Variants in NRG4 observed in about 807,000 individuals in gnomAD.
NRG4 encodes pro-neuregulin-4, membrane-bound isoform.
Under a neutral mutation model 15.0 loss-of-function variants are expected in NRG4, and 10 were observed. The observed-to-expected ratio is 0.67, with a 90% CI of 0.41 to 1.13. NRG4 has a LOEUF of 1.13. Ranked by LOEUF, NRG4 falls within the 50% of genes most tolerant of loss-of-function variation. NRG4 has a pLI of 0.00. For synonymous variants in NRG4, 41 were observed against 50.1 expected (o/e 0.82, Z 0.77); for missense variants, 139 against 140.2 (o/e 0.99, Z 0.04).
chr15:76,057,057 T>C (rs573110648), intron 1 of NRG4: 1 of 152,298 alleles, frequency 6.6e-6, no homozygotes, highest in South Asian at 2.1e-4. Flanking sequence ...AAACCCACAG[T>C]TCCACTTCTG....
At chr15:76,049,206 T>A (rs2035941194) in intron 4 of NRG4, among the ~76,000 whole-genome samples, 1 of 150,566 alleles carries the variant, frequency 6.6e-6, no homozygotes, top group South Asian at 2.1e-4. Flanking sequence ...CACACATACA[T>A]ACACACACAC....
chr15:76,000,496 G>A (rs1404641866), intron 3 of NRG4, among the ~76,000 whole-genome samples: 2 of 152,126 alleles, frequency 1.3e-5, no homozygotes, highest in Non-Finnish European at 2.9e-5. Flanking sequence ...GAGATACTAT[G>A]TTTGACATAG....
In NRG4 at chr15:75,942,185, A is replaced by AT. The variant is rs2031058059; in HGVS notation, c.*1452_*1453insA. 1 of 152,084 alleles carries AT rather than the reference A, an allele frequency of 6.6e-6. No individual in the cohort carries two copies. Among genetic ancestry groups the AT allele is most frequent in the African/African-American group, 2.4e-5 (1 of 41,418 alleles). The allele number at this position is 152,084 out of a possible 1,614,324, so 9.4% of individuals were successfully genotyped here. ...AGAGGGAGGGGTAAATACATGGAGT[A>AT]GAGATTTTTAGGGTGGTGAAACTAC... is the stretch of plus-strand genomic sequence containing the variant. On this transcript the variant is annotated 3_prime_UTR_variant, in exon 6 of 6. Transcript: ENST00000394907.
intron 5 of NRG4, among the ~76,000 whole-genome samples, chr15:75,949,417 C>G (rs2031748649): frequency 1.3e-5 from 2 of 150,304 alleles, no homozygotes; most frequent in Non-Finnish European, 3.0e-5. Flanking sequence ...AAAAATCTTG[C>G]CCAAACTTTA....
intron 5 of NRG4, among the ~76,000 whole-genome samples, chr15:75,949,791 T>C (rs2031769225): frequency 6.6e-6 from 1 of 152,234 alleles, no homozygotes; most frequent in African/African-American, 2.4e-5. Flanking sequence ...TGTTTTTGCA[T>C]GTGAATATCC....
chr15:75,987,088 T>A (rs1271809871), intron 3 of NRG4, among the ~76,000 whole-genome samples: 1 of 151,994 alleles, frequency 6.6e-6, no homozygotes, highest in Admixed American at 6.6e-5. Context: ...CCTAAAGCAA[T>A]CCCTAGGCCC....
chr15:76,046,061 A>G (rs2035861658), intron 4 of NRG4, among the ~76,000 whole-genome samples: 1 of 151,064 alleles, frequency 6.6e-6, no homozygotes, highest in Non-Finnish European at 1.5e-5. Context: ...TATACCTACT[A>G]TGTTCCCACA....
chr15:76,044,757 C>A (rs892004346), intron 4 of NRG4, among the ~76,000 whole-genome samples: 2 of 148,120 alleles, frequency 1.4e-5, no homozygotes, highest in Non-Finnish European at 3.0e-5. Flanking sequence ...AGGAGAATGG[C>A]ATGAACCTAG....
At chr15:75,979,105 A>C (rs1363397032) in intron 3 of NRG4, among the ~76,000 whole-genome samples, 1 of 152,032 alleles carries the variant, frequency 6.6e-6, no homozygotes, top group Non-Finnish European at 1.5e-5. Context: ...TCCTTTGCTG[A>C]GCAGAAGCTT....
chr15:76,050,185 G>A (rs1175725869), intron 4 of NRG4, among the ~76,000 whole-genome samples: 2 of 150,610 alleles, frequency 1.3e-5, no homozygotes, highest in Admixed American at 6.6e-5. Context: ...CCTAATGATG[G>A]GTGTATAAGT....
intron 5 of NRG4, among the ~76,000 whole-genome samples, chr15:76,034,303 A>G (rs958804642): frequency 1.3e-5 from 2 of 152,336 alleles, no homozygotes; most frequent in South Asian, 4.1e-4. Context: ...GGAAGCACAC[A>G]TTGTCAACAG....
At chr15:76,001,975 G>A (rs2034434007) in intron 3 of NRG4, among the ~76,000 whole-genome samples, 1 of 152,162 alleles carries the variant, frequency 6.6e-6, no homozygotes, top group Non-Finnish European at 1.5e-5. Flanking sequence ...AACTTTCAGA[G>A]TGGAGAAAAC....
intron 3 of NRG4, among the ~76,000 whole-genome samples, chr15:75,988,692 A>G (rs1167506145): frequency 1.3e-5 from 2 of 152,144 alleles, no homozygotes; most frequent in African/African-American, 4.8e-5. Context: ...CCAAGGAACT[A>G]GAGATATTAG....
chr15:75,960,509 TTGAA>T (rs1452480941), intron 4 of NRG4, among the ~76,000 whole-genome samples: 1 of 152,190 alleles, frequency 6.6e-6, no homozygotes, highest in African/African-American at 2.4e-5. Flanking sequence ...AACTAAAGGT[TTGAA>T]TGAGCTGAAT....
chr15:75,992,357 C>T (rs1301454633), intron 3 of NRG4, among the ~76,000 whole-genome samples: 1 of 152,098 alleles, frequency 6.6e-6, no homozygotes, highest in Non-Finnish European at 1.5e-5. Flanking sequence ...GTATTATTTC[C>T]CCTCAGCTTG....
intron 2 of NRG4, among the ~76,000 whole-genome samples, chr15:76,055,146 G>C (rs1233771978): frequency 6.6e-6 from 1 of 152,138 alleles, no homozygotes; most frequent in Non-Finnish European, 1.5e-5. Flanking sequence ...AGCAAGGCGT[G>C]GTGCTGGGCG....
At chr15:75,992,404 G>T (rs1418651059) in intron 3 of NRG4, among the ~76,000 whole-genome samples, 1 of 152,014 alleles carries the variant, frequency 6.6e-6, no homozygotes, top group African/African-American at 2.4e-5. Context: ...GTATAGGCTT[G>T]CAGGTAATAA....
intron 3 of NRG4, among the ~76,000 whole-genome samples, chr15:75,980,008 C>T (rs1045167462): frequency 2.6e-5 from 4 of 152,038 alleles, no homozygotes; most frequent in African/African-American, 7.2e-5. Flanking sequence ...TCTTGAAAGA[C>T]GTTTGTGGCT....
upstream of NRG4, among the ~76,000 whole-genome samples, chr15:76,013,656 T>C (rs2034885605): frequency 6.6e-6 from 1 of 152,212 alleles, no homozygotes; most frequent in Non-Finnish European, 1.5e-5. Context: ...TCCATGGCCC[T>C]GCAAAGGACA....
Sources: gnomAD v4.1 joint callset for allele counts (sites outside exome capture counted in the v4.1 genomes callset) on GRCh38, gnomAD v4.1.1 for gene constraint, MANE v1.5 for transcripts, NCBI Gene and HGNC (gene_info 2026-07-23, HGNC 2026-07-21) for gene names.